The following OXCT1 variants were observed in gnomAD, a reference collection of about 807,000 sequenced individuals.
OXCT1 encodes the protein 3-oxoacid CoA-transferase 1.
A neutral mutation model predicts 69.6 loss-of-function variants in OXCT1; 27 were observed. The observed-to-expected ratio is 0.39, with a 90% CI of 0.29 to 0.54. The LOEUF is 0.54. Ranked by LOEUF, OXCT1 falls within the 20% of genes least tolerant of loss-of-function variation. The probability of loss-of-function intolerance (pLI) is 0.72; values close to 1 mark genes in which losing one functional copy is unlikely to be tolerated. For missense variants in OXCT1, 437 were observed against 650.2 expected (o/e 0.67, Z 3.57); for synonymous variants, 202 against 217.8 (o/e 0.93, Z 0.64).
At chr5:41,807,235 C>G in intron 8 of OXCT1, 96 bp downstream of exon 8, 1 of 749,870 alleles carries the variant, frequency 1.3e-6, no homozygotes, top group Non-Finnish European at 2.4e-6. Flanking sequence ...AGACTTTCTG[C>G]TCAGCTCTAG....
intron 14 of OXCT1, among the ~76,000 whole-genome samples, chr5:41,754,392 A>C (rs940451548): frequency 1.3e-5 from 2 of 152,074 alleles, no homozygotes; most frequent in African/African-American, 4.8e-5. Flanking sequence ...CATGACTGTC[A>C]CATCACTATA....
intron 7 of OXCT1, among the ~76,000 whole-genome samples, chr5:41,812,107 G>A (rs1201267552): frequency 6.6e-6 from 1 of 151,972 alleles, no homozygotes; most frequent in Non-Finnish European, 1.5e-5. Context: ...TAAAAACACT[G>A]AGAGAAACCA....
chr5:41,839,972 C>T (rs1416194811), intron 7 of OXCT1, among the ~76,000 whole-genome samples: 2 of 152,202 alleles, frequency 1.3e-5, no homozygotes, highest in African/African-American at 4.8e-5. Flanking sequence ...AAGCCCCTTC[C>T]AAACACTGAG....
chr5:41,846,178 T>A (rs1010089192), intron 5 of OXCT1, among the ~76,000 whole-genome samples: 5 of 151,564 alleles, frequency 3.3e-5, no homozygotes, highest in Non-Finnish European at 4.4e-5. Context: ...ATGTGCACAA[T>A]GTGCAGGTTA....
chr5:41,840,233 AAG>A (rs367912163), intron 7 of OXCT1, among the ~76,000 whole-genome samples: 3 of 152,286 alleles, frequency 2.0e-5, no homozygotes, highest in African/African-American at 7.2e-5. Context: ...TTGATTCCCA[AAG>A]AGAGCATTCT....
rs1742598459 is a variant in OXCT1, at chr5:41,731,113, C to G, written c.*616G>C. 6.5e-6 allele frequency: 1 copy of G among 153,216 alleles called. No homozygotes were observed. Among genetic ancestry groups the G allele is most frequent in the Non-Finnish European group, 1.5e-5 (1 of 68,776 alleles). 9.5% of individuals were successfully genotyped at this position (153,216 alleles called of 1,614,324 possible). ...CCCTCTTCCTATAATACGCCTTAGT[C>G]TTTGCAAAGCATAGATAGATAGTTG... On this transcript the variant is annotated 3_prime_UTR_variant, in exon 17 of 17. Coordinates refer to ENST00000196371, the MANE Select transcript of OXCT1 (RefSeq NM_000436.4).
chr5:41,850,948 C>T (rs72746974), intron 4 of OXCT1, among the ~76,000 whole-genome samples: 3,287 of 152,258 alleles, frequency 0.022, 50 homozygotes, highest in Non-Finnish European at 0.03. Flanking sequence ...CTAACCTTGA[C>T]GCCTACTGTG....
intron 7 of OXCT1, among the ~76,000 whole-genome samples, chr5:41,824,038 A>T (rs559754854): frequency 1.3e-5 from 2 of 152,332 alleles, no homozygotes; most frequent in East Asian, 3.9e-4. Context: ...TAAATTAGAT[A>T]AAAATGTTAA....
rs775333678 is a variant in OXCT1, at chr5:41,801,031, T to C, written c.1090A>G (p.Ile364Val). 2 of 1,612,558 alleles carry C rather than the reference T, an allele frequency of 1.2e-6. No homozygotes were observed. The highest frequency in any genetic ancestry group is 3.3e-5 in the Admixed American group (2 of 59,964). The change falls in exon 11 of 17, where the codon ATC becomes GTC. Residue 364 changes from isoleucine to valine, a missense_variant. By Grantham distance (29) the Ile-to-Val change is conservative (BLOSUM62 3). Around this residue, in one of 4 missense-constraint regions of OXCT1, gnomAD observed 252 missense variants for 397.4 expected, o/e 0.63. Coordinates refer to ENST00000196371, the MANE Select transcript of OXCT1 (RefSeq NM_000436.4). ...PRQHEADADLINAGKETVTIL... is the reference protein window; with the variant it reads ...PRQHEADADLVNAGKETVTIL... Reference sequence around the variant, plus strand: ...AAATAAGTGAGCTTACCTGCATTGATGAGATCTGCATCAGCTTCATGTTGT... The same window carrying C: ...AAATAAGTGAGCTTACCTGCATTGACGAGATCTGCATCAGCTTCATGTTGT...
chr5:41,825,221 T>C lies in OXCT1; in HGVS notation c.732+15230A>G, dbSNP rs193200664. On this transcript the variant is annotated intron_variant, in intron 7 of 16. Coordinates refer to ENST00000196371, the MANE Select transcript of OXCT1 (RefSeq NM_000436.4). The stretch of plus-strand genomic sequence containing the variant: ...GCTGAATAAGAGAGAAGGTGACCTA[T>C]ACTTTTGGACATGAGTGGTTGAAGA... Among the ~76,000 whole-genome samples, 305 of 152,274 alleles carry C rather than the reference T, an allele frequency of 2.0e-3. 2 individuals are homozygous for C. Among genetic ancestry groups the C allele is most frequent in the Admixed American group, 0.014 (219 of 15,292 alleles).
At chr5:41,757,743 AT>A (rs1366711549) in intron 14 of OXCT1, among the ~76,000 whole-genome samples, 1 of 152,138 alleles carries the variant, frequency 6.6e-6, no homozygotes, top group East Asian at 1.9e-4. Flanking sequence ...AGAGGTAGGA[AT>A]AAGCCAGATA....
chr5:41,852,867 G>A (rs553821482), intron 4 of OXCT1, among the ~76,000 whole-genome samples: 166 of 152,238 alleles, frequency 1.1e-3, no homozygotes, highest in South Asian at 4.8e-3. Context: ...AGACCAGCCT[G>A]GCCAACATGG....
chr5:41,785,675 T>C (rs1044019011), intron 13 of OXCT1, among the ~76,000 whole-genome samples: 2 of 152,168 alleles, frequency 1.3e-5, no homozygotes, highest in African/African-American at 4.8e-5. Context: ...GATACCAGCA[T>C]GTAGGATAGA....
chr5:41,761,069 G>C (rs1485657253), intron 14 of OXCT1, among the ~76,000 whole-genome samples: 1 of 152,084 alleles, frequency 6.6e-6, no homozygotes, highest in African/African-American at 2.4e-5. Flanking sequence ...AACTAAGAAT[G>C]ATAAAGAATA....
intron 7 of OXCT1, 45 bp downstream of exon 7, chr5:41,840,406 T>C (rs1333068810): frequency 5.8e-6 from 8 of 1,373,434 alleles, no homozygotes; most frequent in Admixed American, 1.7e-5. Flanking sequence ...ATACTTAACA[T>C]CAAGTTAAAT....
intron 7 of OXCT1, among the ~76,000 whole-genome samples, chr5:41,819,150 A>T (rs1747402193): frequency 6.6e-6 from 1 of 152,184 alleles, no homozygotes; most frequent in Non-Finnish European, 1.5e-5. Context: ...CATGAAATAA[A>T]TCGATAAGTA....
chr5:41,796,386 G>A (rs1746181230), intron 11 of OXCT1, among the ~76,000 whole-genome samples: 1 of 152,076 alleles, frequency 6.6e-6, no homozygotes, highest in East Asian at 1.9e-4. Flanking sequence ...CAGTATAATA[G>A]GGCAGACAAA....
chr5:41,766,632 T>C (rs1163716228), intron 13 of OXCT1, among the ~76,000 whole-genome samples: 1 of 150,328 alleles, frequency 6.7e-6, no homozygotes. Flanking sequence ...TTTGGTGATA[T>C]TTTAAGGATT....
chr5:41,798,211 G>C (rs1236731499), intron 11 of OXCT1, among the ~76,000 whole-genome samples: 1 of 152,004 alleles, frequency 6.6e-6, no homozygotes, highest in Non-Finnish European at 1.5e-5. Context: ...GTCCAGAATG[G>C]GTACACAAAA....
Sources: allele counts gnomAD v4.1 joint callset (sites outside exome capture counted in the v4.1 genomes callset), GRCh38; gene constraint gnomAD v4.1.1; regional missense constraint gnomAD v4.1.1; transcripts MANE v1.5; gene names NCBI Gene and HGNC (gene_info 2026-07-23, HGNC 2026-07-21).